Variants in ETFBKMT observed in about 807,000 individuals in gnomAD.
ETFBKMT encodes the protein electron transfer flavoprotein beta subunit lysine methyltransferase.
ETFBKMT carries 13 observed loss-of-function variants against 18.3 expected under a neutral mutation model. The ratio of observed to expected loss-of-function variants is 0.71; its 90% CI spans 0.46 to 1.13. The LOEUF (loss-of-function observed/expected upper bound fraction) is 1.13, where lower values mean the gene tolerates loss of function less well. Among genes scored for constraint, ETFBKMT ranks in the 50% most tolerant of loss-of-function variants. The probability of loss-of-function intolerance (pLI) is 0.00; values close to 1 mark genes in which losing one functional copy is unlikely to be tolerated. For synonymous variants in ETFBKMT, 84 were observed against 107.9 expected, an observed-to-expected ratio of 0.78 and a Z score of 1.37; for missense variants, 293 against 306.2, an observed-to-expected ratio of 0.96 and a Z score of 0.32.
intron 3 of ETFBKMT, among the ~76,000 whole-genome samples, chr12:31,667,176 TTA>T (rs1301425838): frequency 6.6e-6 from 1 of 151,912 alleles, no homozygotes; most frequent in African/African-American, 2.4e-5. Context: ...TGTATTTTTA[TTA>T]GAGACAGGGT....
rs557538307 is a variant in ETFBKMT at position 31,663,635 on chromosome 12, C to A, written c.314+1368C>A. 3.8e-4 allele frequency among the ~76,000 whole-genome samples: 58 copies of A among 152,364 alleles called. 1 individual carries two copies. The highest frequency in any genetic ancestry group is 7.2e-4 in the Non-Finnish European group (49 of 68,044). On this transcript the variant is annotated intron_variant, in intron 2 of 3. Coordinates refer to ENST00000357721, the MANE Select transcript of ETFBKMT (RefSeq NM_001135863.2). ...CATCAACAAAGAATTGGACATGACACATACAAGTAGCAAGGCAGCAAACAG... is the reference window on the plus strand; with the variant it reads ...CATCAACAAAGAATTGGACATGACAAATACAAGTAGCAAGGCAGCAAACAG...
intron 1 of ETFBKMT, among the ~76,000 whole-genome samples, chr12:31,652,274 C>T (rs1367557405): frequency 3.3e-5 from 5 of 152,064 alleles, no homozygotes; most frequent in Admixed American, 3.3e-4. Context: ...CCTATTAAAC[C>T]TCTGCTCCTA....
intron 1 of ETFBKMT, among the ~76,000 whole-genome samples, chr12:31,651,403 G>A (rs1385802765): frequency 6.6e-6 from 1 of 150,444 alleles, no homozygotes; most frequent in Non-Finnish European, 1.5e-5. Flanking sequence ...TCCACCTCCC[G>A]GGTTGCAGTG....
intron 2 of ETFBKMT, among the ~76,000 whole-genome samples, chr12:31,665,504 CT>C (rs1565751024): frequency 6.6e-6 from 1 of 151,786 alleles, no homozygotes; most frequent in South Asian, 2.1e-4. Context: ...TTTCTTTTTT[CT>C]TTTTTTGCAT....
intron 2 of ETFBKMT, among the ~76,000 whole-genome samples, 170 bp from the exon 3 acceptor site, chr12:31,665,917 C>G (rs1245942033): frequency 6.6e-6 from 1 of 152,218 alleles, no homozygotes. Context: ...TCCGGTAAAC[C>G]CACAGCCTTC....
rs1951230080 is a variant in ETFBKMT at position 31,668,717 on chromosome 12, T to A, written c.*727T>A. On this transcript the variant is annotated 3_prime_UTR_variant, in exon 4 of 4. Transcript: ENST00000357721. The stretch of plus-strand genomic sequence containing the variant: ...CATGTTGGCCAGGCCGGTCTCAAAC[T>A]CCTGACCTCAGGTGATCCACCCGCC... The A allele has an allele frequency of 6.6e-6, 1 of 152,292 alleles. No homozygotes were observed. The highest frequency in any genetic ancestry group is 1.5e-5 in the Non-Finnish European group (1 of 68,118). The allele number at this position is 152,292 out of a possible 1,614,324, so 9.4% of individuals were successfully genotyped here. A position where few individuals can be genotyped will look rare whatever the true frequency, so the allele number is the denominator to read the frequency against.
intron 1 of ETFBKMT, 36 bp from the exon 2 acceptor site, chr12:31,661,805 C>CA (rs1230507200): frequency 1.4e-6 from 1 of 724,162 alleles, no homozygotes; most frequent in African/African-American, 1.8e-5. Flanking sequence ...TGCTCTTCCT[C>CA]AGAATTCTCA....
chr12:31,662,407 A>G, intron 2 of ETFBKMT, 140 bp downstream of exon 2: 1 of 742,400 alleles, frequency 1.3e-6, no homozygotes, highest in Admixed American at 2.9e-5. Context: ...CTGAGGCTGT[A>G]AGCTGTGATC....
chr12:31,668,351 G>T lies in ETFBKMT; in HGVS notation c.*361G>T. 5.9e-6 allele frequency: 1 copy of T among 170,218 alleles called. No homozygotes were observed. Among genetic ancestry groups the T allele is most frequent in the Non-Finnish European group, 1.2e-5 (1 of 80,456 alleles). The allele number at this position is 170,218 out of a possible 1,614,324, so 10.5% of individuals were successfully genotyped here. A position where few individuals can be genotyped will look rare whatever the true frequency, so the allele number is the denominator to read the frequency against. ...TCGAGGACAACTGTGATGTAACTTT[G>T]AATTAAACAAACAAAACAAAACAGA... On this transcript the variant is annotated 3_prime_UTR_variant, in exon 4 of 4. Transcript: ENST00000357721.
At chr12:31,648,840 C>T (rs1488258429) in intron 1 of ETFBKMT, among the ~76,000 whole-genome samples, 6 of 151,982 alleles carry the variant, frequency 3.9e-5, no homozygotes, top group South Asian at 4.1e-4. Flanking sequence ...GGATTACAGG[C>T]GTGAGCCACC....
At chr12:31,658,505 C>G (rs957438084), upstream of ETFBKMT, among the ~76,000 whole-genome samples, 35 of 152,186 alleles carry the variant, frequency 2.3e-4, no homozygotes, top group Non-Finnish European at 3.8e-4. Flanking sequence ...TGTAGTAGTT[C>G]CTAAAGATTC....
rs74479383 is a variant in ETFBKMT at position 31,651,093 on chromosome 12, C to A, written c.-114+3838C>A. ...CAACTTAAGTATGATAACATCAAGG[C>A]CACTTGACCTAAGGGCAGGATTTAC... On this transcript the variant is annotated intron_variant, in intron 1 of 3. Transcript: ENST00000412352. Among the ~76,000 whole-genome samples the A allele has an allele frequency of 2.0e-5, 3 of 152,142 alleles. No homozygotes were observed. In the East Asian group the frequency reaches 5.8e-4, roughly 29 times the overall value.
At chr12:31,664,692 C>T (rs752604795) in intron 2 of ETFBKMT, among the ~76,000 whole-genome samples, 2 of 149,800 alleles carry the variant, frequency 1.3e-5, no homozygotes, top group Non-Finnish European at 3.0e-5. Flanking sequence ...TCTTGGCAGA[C>T]TGCAGCCTTC....
At position 31,666,817 on chromosome 12, in the gene ETFBKMT, A is replaced by ATT. The variant is rs1215263554; in HGVS notation, c.445+612_445+613dup. Among the ~76,000 whole-genome samples, 1,346 of 140,216 alleles carry ATT rather than the reference A, an allele frequency of 9.6e-3. 17 individuals carry two copies. The highest frequency in any genetic ancestry group is 0.033 in the African/African-American group (1,272 of 38,120). 92.0% of individuals were successfully genotyped at this position (140,216 alleles called of 152,430 possible). ...AGGTGCCTGCCACCATGCCTGGCTA[A>ATT]TTTTTTTTTTTTTGCATTTTTAGTA... On this transcript the variant is annotated intron_variant, in intron 3 of 3. Transcript: ENST00000357721.
At chr12:31,657,775 G>C (rs1404151126), upstream of ETFBKMT, among the ~76,000 whole-genome samples, 2 of 125,798 alleles carry the variant, frequency 1.6e-5, no homozygotes, top group Non-Finnish European at 1.6e-5. Context: ...CTGGGCGACA[G>C]AGCAAGACTT....
Position 31,668,269 on chromosome 12 carries a change from CATTTA to C in ETFBKMT, c.*286_*290del, listed in dbSNP as rs1951223489. The C allele has an allele frequency of 6.8e-6, 2 of 295,928 alleles. No homozygotes were observed. Among genetic ancestry groups the C allele is most frequent in the East Asian group, 1.2e-4 (2 of 16,386 alleles). 18.3% of individuals were successfully genotyped at this position (295,928 alleles called of 1,614,324 possible). A position where few individuals can be genotyped will look rare whatever the true frequency, so the allele number is the denominator to read the frequency against. ...ACAATGCCATACTCAATGGTGGCAG[CATTTA>C]ATTTAAGTAATGGAGAAGAATTAAA... On this transcript the variant is annotated 3_prime_UTR_variant, in exon 4 of 4. Transcript: ENST00000357721.
chr12:31,654,949 G>A (rs1251021212), upstream of ETFBKMT, among the ~76,000 whole-genome samples: 17 of 152,044 alleles, frequency 1.1e-4, no homozygotes, highest in African/African-American at 3.6e-4. Context: ...CCAGGTACTC[G>A]GGAGGCTGAG....
chr12:31,662,072 G>T lies in ETFBKMT; in HGVS notation c.119G>T (p.Gly40Val). Residue 40 changes from glycine to valine, a missense_variant, in exon 2 of 4, where the codon GGA (glycine) becomes GTA (valine). Gly to Val is a moderately radical substitution (Grantham distance 109). Coordinates refer to ENST00000357721, the MANE Select transcript of ETFBKMT (RefSeq NM_001135863.2). Reference protein sequence around the residue: ...PCGQCPWRGAGSFLDPEIKAF... With the variant: ...PCGQCPWRGAVSFLDPEIKAF... The stretch of plus-strand genomic sequence containing the variant: ...GGCCAGTGTCCCTGGAGAGGAGCTG[G>T]AAGCTTTTTGGACCCTGAGATAAAG... 6.2e-7 allele frequency: 1 copy of T among 1,614,204 alleles called. No individual in the cohort carries two copies. Among genetic ancestry groups the T allele is most frequent in the Non-Finnish European group, 8.5e-7 (1 of 1,180,036 alleles).
intron 2 of ETFBKMT, among the ~76,000 whole-genome samples, chr12:31,662,956 G>A (rs1951145663): frequency 6.6e-6 from 1 of 152,096 alleles, no homozygotes; most frequent in African/African-American, 2.4e-5. Flanking sequence ...TGAGTGGGCT[G>A]TTCAAAGTTT....
Sources: gnomAD v4.1 joint callset for allele counts (sites outside exome capture counted in the v4.1 genomes callset) on GRCh38, gnomAD v4.1.1 for gene constraint, MANE v1.5 for transcripts, NCBI Gene and HGNC (gene_info 2026-07-23, HGNC 2026-07-21) for gene names.